The following PDE11A variants were observed in gnomAD, a reference collection of about 807,000 sequenced individuals.
PDE11A encodes the protein dual 3',5'-cyclic-AMP and -GMP phosphodiesterase 11A.
A neutral mutation model predicts 100.5 loss-of-function variants in PDE11A; 100 were observed. The observed-to-expected ratio is 1.00, with a 90% CI of 0.85 to 1.18. The LOEUF is 1.18. Among genes scored for constraint, PDE11A ranks in the 50% most tolerant of loss-of-function variants. The pLI, the probability that PDE11A is intolerant of heterozygous loss-of-function variation, is 0.00. For missense variants in PDE11A, 1,141 were observed against 1,152.6 expected, an observed-to-expected ratio of 0.99 and a Z score of 0.15; for synonymous variants, 381 against 420.8, an observed-to-expected ratio of 0.91 and a Z score of 1.16.
intron 5 of PDE11A, among the ~76,000 whole-genome samples, chr2:177,855,373 T>G (rs899614553): frequency 1.2e-4 from 18 of 152,010 alleles, no homozygotes; most frequent in African/African-American, 4.1e-4. Context: ...TAGCAAAAAT[T>G]GTCAAAATCA....
chr2:177,971,896 A>G (rs2085775353), intron 2 of PDE11A, among the ~76,000 whole-genome samples: 1 of 152,194 alleles, frequency 6.6e-6, no homozygotes, highest in Non-Finnish European at 1.5e-5. Context: ...AAAAGACATA[A>G]TGTGATTACC....
intron 1 of PDE11A, chr2:178,104,587 T>C (rs2087597639): frequency 8.0e-6 from 7 of 871,442 alleles, no homozygotes; most frequent in Non-Finnish European, 1.3e-5. Flanking sequence ...CTGATGATGT[T>C]AAACAAAAAC....
At chr2:177,959,438 C>T (rs2085605327) in intron 2 of PDE11A, among the ~76,000 whole-genome samples, 1 of 152,114 alleles carries the variant, frequency 6.6e-6, no homozygotes, top group Non-Finnish European at 1.5e-5. Context: ...AAAGAGAATA[C>T]ATAGTCATGG....
At chr2:178,086,451 A>G (rs1350232154) in intron 2 of PDE11A, among the ~76,000 whole-genome samples, 7 of 152,194 alleles carry the variant, frequency 4.6e-5, no homozygotes, top group Non-Finnish European at 1.0e-4. Context: ...TATTGAATAA[A>G]CTAATGAATG....
chr2:177,745,990 T>C (rs977378187), intron 10 of PDE11A, among the ~76,000 whole-genome samples: 2 of 152,180 alleles, frequency 1.3e-5, no homozygotes, highest in Non-Finnish European at 2.9e-5. Flanking sequence ...TGCCTTTCAA[T>C]AGTCCTTGGA....
intron 2 of PDE11A, among the ~76,000 whole-genome samples, chr2:178,009,659 G>T (rs35591668): frequency 0.056 from 8,454 of 152,230 alleles, 296 homozygotes; most frequent in South Asian, 0.092. Flanking sequence ...TTCTACTACA[G>T]GGTATATGTA....
Position 177,853,345 on chromosome 2 carries a change from C to T in PDE11A, c.1368-12962G>A, listed in dbSNP as rs16865852. On this transcript the variant is annotated intron_variant, in intron 5 of 19. Coordinates refer to ENST00000286063, the MANE Select transcript of PDE11A (RefSeq NM_016953.4). ...CTCAATAAATACCGGCTCTTTATAT[C>T]ACAAAGATTTTTCTTTAATTAAAAA... Among the ~76,000 whole-genome samples, 1,104 of 151,964 alleles carry T rather than the reference C, an allele frequency of 7.3e-3. 14 individuals carry two copies. The highest frequency in any genetic ancestry group is 0.025 in the African/African-American group (1,028 of 41,488).
Position 177,945,800 on chromosome 2 carries a change from G to A in PDE11A, c.1072-40613C>T, listed in dbSNP as rs2085411626. The stretch of plus-strand genomic sequence containing the variant: ...GGTGGGGGGTCAGCCCCCCCGCCCG[G>A]CCAGCCGTGCCATCCGGGAGGGAGG... On this transcript the variant is annotated intron_variant, in intron 2 of 19. Transcript: ENST00000286063. Among the ~76,000 whole-genome samples the A allele has an allele frequency of 2.0e-5, 3 of 149,200 alleles. No individual in the cohort carries two copies. In the South Asian group the frequency reaches 6.4e-4, roughly 32 times the overall value.
At chr2:178,073,597 A>T (rs1406577036), upstream of PDE11A, among the ~76,000 whole-genome samples, 1 of 152,202 alleles carries the variant, frequency 6.6e-6, no homozygotes, top group African/African-American at 2.4e-5. Context: ...AAAGAAAAAA[A>T]ACAACGTTTA....
intron 19 of PDE11A, among the ~76,000 whole-genome samples, chr2:177,639,516 C>T (rs1008593395): frequency 6.6e-6 from 1 of 152,140 alleles, no homozygotes; most frequent in African/African-American, 2.4e-5. Flanking sequence ...GGACAGCTGC[C>T]AGTGGCTGAG....
intron 1 of PDE11A, among the ~76,000 whole-genome samples, chr2:178,016,131 A>AGTTT (rs2086333450): frequency 1.2e-5 from 1 of 83,744 alleles, no homozygotes; most frequent in Non-Finnish European, 2.1e-5. Context: ...TGCCTGGCTA[A>AGTTT]TTTTTTTTTT....
At chr2:177,932,858 G>A (rs2085224717) in intron 2 of PDE11A, among the ~76,000 whole-genome samples, 1 of 150,744 alleles carries the variant, frequency 6.6e-6, no homozygotes. Context: ...CATCTGAACA[G>A]GAAAAGAAGA....
intron 4 of PDE11A, among the ~76,000 whole-genome samples, chr2:177,897,436 C>G (rs972429736): frequency 6.6e-6 from 1 of 152,176 alleles, no homozygotes. Context: ...TGAACAGCAG[C>G]CCCCTTCACC....
intron 1 of PDE11A, among the ~76,000 whole-genome samples, chr2:178,018,802 C>A (rs140769345): frequency 4.4e-4 from 67 of 152,316 alleles, no homozygotes; most frequent in Non-Finnish European, 8.7e-4. Context: ...CCCACTCTGG[C>A]CTCTTTAAAC....
rs116074651 is a variant in PDE11A at position 177,869,251 on chromosome 2, G to T, written c.1367+6608C>A. Among the ~76,000 whole-genome samples the T allele has an allele frequency of 8.7e-4, 132 of 152,290 alleles. 1 individual carries two copies. Among genetic ancestry groups the T allele is most frequent in the African/African-American group, 3.1e-3 (130 of 41,560 alleles). On this transcript the variant is annotated intron_variant, in intron 5 of 19. Coordinates refer to ENST00000286063, the MANE Select transcript of PDE11A (RefSeq NM_016953.4). ...CTGGAAGTCACAAGTTCATCATGAC[G>T]TGCTGGATTTGCTGCTCAGGCTCTT...
chr2:177,994,115 G>A (rs1191668698), intron 2 of PDE11A, among the ~76,000 whole-genome samples: 1 of 151,878 alleles, frequency 6.6e-6, no homozygotes, highest in African/African-American at 2.4e-5. Flanking sequence ...ATTTTTAGCA[G>A]ACACAGGGTT....
chr2:177,986,699 C>T (rs989308058), intron 2 of PDE11A, among the ~76,000 whole-genome samples: 2 of 151,796 alleles, frequency 1.3e-5, no homozygotes, highest in African/African-American at 4.8e-5. Context: ...GGCGTGGTGG[C>T]GGGCACCTGT....
chr2:177,732,983 T>C (rs1424016601), intron 10 of PDE11A, among the ~76,000 whole-genome samples: 1 of 152,218 alleles, frequency 6.6e-6, no homozygotes, highest in African/African-American at 2.4e-5. Flanking sequence ...ACAGGCAGTA[T>C]GTATCCTGAG....
intron 2 of PDE11A, among the ~76,000 whole-genome samples, chr2:178,092,116 C>T (rs1169492296): frequency 6.6e-6 from 1 of 152,072 alleles, no homozygotes; most frequent in Non-Finnish European, 1.5e-5. Flanking sequence ...AAACACATAA[C>T]CAACCACAAG....
Sources: gnomAD v4.1 joint callset for allele counts (sites outside exome capture counted in the v4.1 genomes callset) on GRCh38, gnomAD v4.1.1 for gene constraint, MANE v1.5 for transcripts, NCBI Gene and HGNC (gene_info 2026-07-23, HGNC 2026-07-21) for gene names.